SMG8: variants seen among roughly 807,000 people sequenced by gnomAD.
SMG8 encodes SMG8 nonsense mediated mRNA decay factor.
In SMG8, 49 loss-of-function variants were observed where a neutral mutation model predicts 82.1. The observed-to-expected ratio is 0.60, with a 90% confidence interval of 0.47 to 0.76. The LOEUF is 0.76. Among genes scored for constraint, SMG8 ranks in the 30% least tolerant of loss-of-function variants. The pLI is 0.00. For synonymous variants in SMG8, 404 were observed against 430.0 expected (o/e 0.94, Z 0.75); for missense variants, 969 against 1,166.4 (o/e 0.83, Z 2.46).
At chr17:59,211,950 C>A (rs1166133424) in intron 1 of SMG8, 140 bp downstream of exon 1, 1 of 695,374 alleles carries the variant, frequency 1.4e-6, no homozygotes, top group East Asian at 3.1e-5. Context: ...TATACGTTTT[C>A]TCTCCTGCTG....
Position 59,210,601 on chromosome 17 carries a change from G to A in SMG8, c.550G>A (p.Glu184Lys). Residue 184 changes from glutamate (E) to lysine (K), a missense_variant, in exon 1 of 4, where the codon GAA (glutamate) becomes AAA (lysine). Glu to Lys is a moderately conservative substitution (Grantham distance 56). Transcript: ENST00000300917. ...AGGTGGACTCTCTTTACCTCATGCA[G>A]AAGCACACGAGTTCTGGAAGCATCA... ...AGGGLSLPHA[E>K]AHEFWKHQEK... 6.2e-7 allele frequency: 1 copy of A among 1,602,208 alleles called. No homozygotes were observed. The highest frequency in any genetic ancestry group is 8.5e-7 in the Non-Finnish European group (1 of 1,174,840).
chr17:59,215,217 G>T lies in SMG8; in HGVS notation c.*215G>T. 1 of 483,236 alleles carries T rather than the reference G, an allele frequency of 2.1e-6. No individual in the cohort carries two copies. The highest frequency in any genetic ancestry group is 3.2e-5 in the South Asian group (1 of 31,338). The allele number at this position is 483,236 out of a possible 1,614,324, so 29.9% of individuals were successfully genotyped here. On this transcript the variant is annotated 3_prime_UTR_variant, in exon 4 of 4. Transcript: ENST00000300917. ...TACAACTTTCTAATAAAGATTGGTT[G>T]TTCTAGAAAAGAATATAAAATACAT...
At chr17:59,212,122 G>A in intron 1 of SMG8, 1 of 432,354 alleles carries the variant, frequency 2.3e-6, no homozygotes. Flanking sequence ...TGAATGTTAT[G>A]TTAGATGATG....
rs764913669 is a variant in SMG8 at position 59,210,293 on chromosome 17, G to A, written c.242G>A (p.Arg81His). 3 of 1,612,896 alleles carry A rather than the reference G, an allele frequency of 1.9e-6. No individual in the cohort carries two copies. The East Asian group carries it at 6.7e-5, about 36-fold the overall frequency. The change falls in exon 1 of 4, where the codon CGC (arginine) becomes CAC (histidine). Residue 81 changes from arginine (R) to histidine (H), a missense_variant. Transcript: ENST00000300917. ...GACCGACAGGTCTTTCCTCTCTTTC[G>A]CCACCAAGATCCTGGGGATCCAGGA... ...VCDRQVFPLF[R>H]HQDPGDPGPG...
In SMG8 at chr17:59,211,039, C is replaced by CCTG; in HGVS notation, c.990_992dup (p.Ala331dup). The CCTG allele has an allele frequency of 1.2e-6, 2 of 1,614,216 alleles. No homozygotes were observed. The highest frequency in any genetic ancestry group is 1.7e-6 in the Non-Finnish European group (2 of 1,180,046). On this transcript the variant is annotated inframe_insertion, in exon 1 of 4. Coordinates refer to ENST00000300917, the MANE Select transcript of SMG8 (RefSeq NM_018149.7). ...GAGCATCAACTGCCTCTTTACTGTG[C>CCTG]CTGCCAACCAAGCTTTCGTGTACAT...
chr17:59,212,016 C>A (rs891646950), intron 1 of SMG8: 1 of 466,740 alleles, frequency 2.1e-6, no homozygotes, highest in South Asian at 5.6e-5. Context: ...TTAAAGGATA[C>A]GTCCTAGTGA....
At position 59,210,063 on chromosome 17, in the gene SMG8, C is replaced by T. The variant is rs1378068346; in HGVS notation, c.12C>T (p.Pro4=). 10 of 1,561,812 alleles carry T rather than the reference C, an allele frequency of 6.4e-6. No homozygotes were observed. The highest frequency in any genetic ancestry group is 8.6e-6 in the Non-Finnish European group (10 of 1,159,180). The change falls in exon 1 of 4, where the codon CCC becomes CCT. Residue 4 remains proline (P), a synonymous_variant. Coordinates refer to ENST00000300917, the MANE Select transcript of SMG8 (RefSeq NM_018149.7). The part of the protein sequence containing the change: MAG[P]VSLRDLLMGA... ...GAACGCTCTGCACTATGGCTGGTCCCGTGAGCTTGCGAGACCTTCTAATGG... is the reference window on the plus strand; with the variant it reads ...GAACGCTCTGCACTATGGCTGGTCCTGTGAGCTTGCGAGACCTTCTAATGG...
At chr17:59,214,754 T>C (rs1312040865) in intron 3 of SMG8, 51 bp from the exon 4 acceptor site, 1 of 854,166 alleles carries the variant, frequency 1.2e-6, no homozygotes, top group South Asian at 1.3e-5. Context: ...TATCTTTCAG[T>C]TGTTTCATAT....
chr17:59,215,067 T>C lies in SMG8; in HGVS notation c.*65T>C. On this transcript the variant is annotated 3_prime_UTR_variant, in exon 4 of 4. Transcript: ENST00000300917. ...TTTGTTTTTGGTATTTGTGGCTGTG[T>C]TTTTGGTATGTGTTTACTGTGTTTT... 1.2e-6 allele frequency: 1 copy of C among 838,578 alleles called. No individual in the cohort carries two copies. Among genetic ancestry groups the C allele is most frequent in the Non-Finnish European group, 2.1e-6 (1 of 479,804 alleles). 51.9% of individuals were successfully genotyped at this position (838,578 alleles called of 1,614,324 possible). A position where few individuals can be genotyped will look rare whatever the true frequency, so the allele number is the denominator to read the frequency against.
chr17:59,212,563 T>C (rs1456482057), intron 2 of SMG8, 77 bp downstream of exon 2: 1 of 1,536,000 alleles, frequency 6.5e-7, no homozygotes, highest in Non-Finnish European at 8.8e-7. Context: ...ATATTTTCAA[T>C]AGCAGAGTAA....
Position 59,210,210 on chromosome 17 carries a change from C to CAGGCAAGCCGTCA in SMG8, c.159_160insAGGCAAGCCGTCA (p.Gly54ArgfsTer46). 6.2e-7 allele frequency: 1 copy of CAGGCAAGCCGTCA among 1,602,184 alleles called. No homozygotes were observed. The highest frequency in any genetic ancestry group is 8.5e-7 in the Non-Finnish European group (1 of 1,174,246). On this transcript the variant is annotated frameshift_variant, in exon 1 of 4. Coordinates refer to ENST00000300917, the MANE Select transcript of SMG8 (RefSeq NM_018149.7). LOFTEE classifies it high-confidence loss of function. The stretch of plus-strand genomic sequence containing the variant: ...ATGAGATCTGCGTTGTGGGAATCTT[C>CAGGCAAGCCGTCA]GGCAAGACGGCTCTACGCCTGAATT...
chr17:59,210,336 G>A lies in SMG8; in HGVS notation c.285G>A (p.Glu95=), dbSNP rs755948975. The A allele has an allele frequency of 1.7e-5, 28 of 1,612,492 alleles. No individual in the cohort carries two copies. Among genetic ancestry groups the A allele is most frequent in the Non-Finnish European group, 2.2e-5 (26 of 1,179,534 alleles). Residue 95 remains glutamate (E), a synonymous_variant, in exon 1 of 4, where the codon GAG becomes GAA. Transcript: ENST00000300917. ...PGDPGPGIRT[E]AGAVGEAGGA... ...ATCCAGGACCTGGAATCAGAACTGA[G>A]GCTGGCGCCGTGGGTGAGGCCGGTG...
At position 59,213,203 on chromosome 17, in the gene SMG8, T is replaced by C. The variant is rs1377851295; in HGVS notation, c.2380T>C (p.Tyr794His). Reference protein sequence around the residue: ...DQQGFIPGTNYLMPWDIVIRT... With the variant: ...DQQGFIPGTNHLMPWDIVIRT... ...ACAGGGCTTTATTCCAGGAACAAAT[T>C]ATCTTATGCCTTGGGACATTGTCAT... The change falls in exon 3 of 4, where the codon TAT (tyrosine) becomes CAT (histidine). Residue 794 changes from tyrosine to histidine, a missense_variant. Transcript: ENST00000300917. The C allele has an allele frequency of 6.2e-7, 1 of 1,614,158 alleles. No individual in the cohort carries two copies. The highest frequency in any genetic ancestry group is 8.5e-7 in the Non-Finnish European group (1 of 1,180,042).
In SMG8 at chr17:59,212,501, T is replaced by G. The variant is rs199636121; in HGVS notation, c.1905+15T>G. 2.3e-5 allele frequency: 36 copies of G among 1,586,664 alleles called. No individual in the cohort carries two copies. In the South Asian group the frequency reaches 4.0e-4, roughly 17 times the overall value. On this transcript the variant is annotated intron_variant, in intron 2 of 3. Coordinates refer to ENST00000300917, the MANE Select transcript of SMG8 (RefSeq NM_018149.7). Reference sequence around the variant, plus strand: ...ACTTCTATCAGGTAGACTCTGAATTTTTTCTTCTTCCTCTTCTGTCTTTTT... The same window carrying G: ...ACTTCTATCAGGTAGACTCTGAATTGTTTCTTCTTCCTCTTCTGTCTTTTT...
chr17:59,210,843 A>G lies in SMG8; in HGVS notation c.792A>G (p.Arg264=), dbSNP rs766635996. 1.2e-6 allele frequency: 2 copies of G among 1,613,892 alleles called. No homozygotes were observed. The highest frequency in any genetic ancestry group is 1.7e-5 in the Admixed American group (1 of 59,978). Reference sequence around the variant, plus strand: ...TAAACTGCCGACCTTGCCCACCTAGACTCCTTTTCCTCTTTCAACTCAATG... The same window carrying G: ...TAAACTGCCGACCTTGCCCACCTAGGCTCCTTTTCCTCTTTCAACTCAATG... ...WKLNCRPCPP[R]LLFLFQLNGA... is the part of the protein sequence containing the mutation. The change falls in exon 1 of 4, where the codon AGA becomes AGG. Residue 264 remains arginine, a synonymous_variant. Coordinates refer to ENST00000300917, the MANE Select transcript of SMG8 (RefSeq NM_018149.7).
intron 1 of SMG8, chr17:59,212,067 C>A: frequency 2.3e-6 from 1 of 425,562 alleles, no homozygotes; most frequent in Non-Finnish European, 4.1e-6. Flanking sequence ...AAATTTCAGA[C>A]ATCTCATATT....
rs1405540056 is a variant in SMG8 at position 59,211,396 on chromosome 17, A to G, written c.1345A>G (p.Ile449Val). ...TGAACTTCCTACTTATCAGAAGTGG[A>G]TCTCAGCAGCTTCAAAACTGTATGA... is the stretch of plus-strand genomic sequence containing the variant. ...HFELPTYQKW[I>V]SAASKLYEVA... Residue 449 changes from isoleucine to valine, a missense_variant, in exon 1 of 4, where the codon ATC becomes GTC. This residue lies in a region of SMG8 where 662 missense variants were observed against 884.8 expected (regional missense o/e 0.75). Transcript: ENST00000300917. The G allele has an allele frequency of 1.2e-6, 2 of 1,614,212 alleles. No individual in the cohort carries two copies. The highest frequency in any genetic ancestry group is 1.7e-5 in the Admixed American group (1 of 60,018).
Position 59,213,606 on chromosome 17 carries a change from G to C in SMG8, c.2778+5G>C. 6.3e-7 allele frequency: 1 copy of C among 1,590,546 alleles called. No individual in the cohort carries two copies. The highest frequency in any genetic ancestry group is 8.5e-7 in the Non-Finnish European group (1 of 1,171,474). ...CAGATAATACTAATGCCTCAGGTAA[G>C]AAATATAACCCTCTGCAGCCCCAAA... On this transcript the variant is annotated splice_donor_5th_base_variant and intron_variant, in intron 3 of 3. Transcript: ENST00000300917.
In SMG8 at chr17:59,211,185, A is replaced by G. The variant is rs2046944228; in HGVS notation, c.1134A>G (p.Arg378=). Residue 378 remains arginine (R), a synonymous_variant, in exon 1 of 4, where the codon CGA becomes CGG. Transcript: ENST00000300917. ...CTGCACCCCTTTCTGGGCCTAGGCG[A>G]TACCAGGTGATGAGGCAGCACAGCC... The part of the protein sequence containing the change: ...LVPAPLSGPR[R]YQVMRQHSRQ... 2 of 1,614,216 alleles carry G rather than the reference A, an allele frequency of 1.2e-6. No homozygotes were observed. The highest frequency in any genetic ancestry group is 1.7e-6 in the Non-Finnish European group (2 of 1,180,022).
Sources: allele counts gnomAD v4.1 joint callset, GRCh38; gene constraint gnomAD v4.1.1; regional missense constraint gnomAD v4.1.1; transcripts MANE v1.5; gene names NCBI Gene and HGNC (gene_info 2026-07-23, HGNC 2026-07-21).